Variants in HECW2 observed in about 807,000 individuals in gnomAD.
The protein encoded by HECW2 is E3 ubiquitin-protein ligase HECW2.
HECW2 carries 61 observed loss-of-function variants against 175.2 expected under a neutral mutation model. The ratio of observed to expected loss-of-function variants is 0.35; its 90% CI spans 0.28 to 0.43. HECW2 has a LOEUF of 0.43. Ranked by LOEUF, HECW2 falls within the 20% of genes least tolerant of loss-of-function variation. The pLI is 1.00. For missense variants in HECW2, 1,524 were observed against 2,000.5 expected, an observed-to-expected ratio of 0.76 and a Z score of 4.54; for synonymous variants, 671 against 731.0, an observed-to-expected ratio of 0.92 and a Z score of 1.32.
intron 1 of HECW2, among the ~76,000 whole-genome samples, chr2:196,563,677 A>C (rs1358400): frequency 6.6e-6 from 1 of 152,100 alleles, no homozygotes; most frequent in African/African-American, 2.4e-5. Context: ...GGCACCCACT[A>C]GCTAGATCTG....
At chr2:196,289,750 C>G (rs1208516842) in intron 14 of HECW2, 1 of 152,050 alleles carries the variant, frequency 6.6e-6, no homozygotes, top group Non-Finnish European at 1.5e-5. Context: ...GGCTAAAATT[C>G]CAGGGTTGAC....
At chr2:196,373,818 G>C (rs901933147) in intron 2 of HECW2, among the ~76,000 whole-genome samples, 1 of 152,062 alleles carries the variant, frequency 6.6e-6, no homozygotes, top group Non-Finnish European at 1.5e-5. Flanking sequence ...AGATCACGAG[G>C]TCAGGAGATC....
intron 13 of HECW2, among the ~76,000 whole-genome samples, chr2:196,303,399 T>C (rs1176226665): frequency 1.3e-5 from 2 of 152,232 alleles, no homozygotes; most frequent in African/African-American, 2.4e-5. Flanking sequence ...CAAGTTTTGG[T>C]ATCAAGATGA....
chr2:196,593,051 G>C (rs1382459437), intron 1 of HECW2, among the ~76,000 whole-genome samples: 1 of 151,472 alleles, frequency 6.6e-6, no homozygotes, highest in Non-Finnish European at 1.5e-5. Flanking sequence ...AGCGCGCTCG[G>C]CGCGCCCCTC....
intron 14 of HECW2, among the ~76,000 whole-genome samples, chr2:196,285,302 C>T (rs1186221954): frequency 6.6e-6 from 1 of 152,096 alleles, no homozygotes; most frequent in Non-Finnish European, 1.5e-5. Flanking sequence ...TATTTTGCCA[C>T]TAAGGAATAC....
intron 2 of HECW2, among the ~76,000 whole-genome samples, chr2:196,387,950 T>C (rs556005039): frequency 6.6e-6 from 1 of 152,264 alleles, no homozygotes; most frequent in African/African-American, 2.4e-5. Flanking sequence ...CTCAACTAAA[T>C]TAAACAAGGC....
chr2:196,527,990 G>T (rs1479507484), intron 1 of HECW2, among the ~76,000 whole-genome samples: 1 of 152,072 alleles, frequency 6.6e-6, no homozygotes, highest in East Asian at 1.9e-4. Context: ...TGTTCATAAA[G>T]CCCATAAAAG....
chr2:196,434,018 C>G (rs1695795997), intron 1 of HECW2, among the ~76,000 whole-genome samples: 1 of 152,140 alleles, frequency 6.6e-6, no homozygotes, highest in Non-Finnish European at 1.5e-5. Context: ...ACTGCAGCAC[C>G]CCAGCATTCC....
chr2:196,362,701 G>A (rs147914955), intron 2 of HECW2, among the ~76,000 whole-genome samples: 2 of 152,168 alleles, frequency 1.3e-5, no homozygotes, highest in African/African-American at 4.8e-5. Context: ...AAAACAGATA[G>A]AATCATCAAT....
At chr2:196,239,391 C>T (rs184033201) in intron 21 of HECW2, 2 of 152,228 alleles carry the variant, frequency 1.3e-5, no homozygotes, top group Admixed American at 6.5e-5. Context: ...TCCAAGAGTA[C>T]CAGATGAAAG....
At chr2:196,217,220 T>G (rs1376759591) in intron 26 of HECW2, 127 bp from the exon 27 acceptor site, 1 of 646,726 alleles carries the variant, frequency 1.5e-6, no homozygotes, top group Non-Finnish European at 2.7e-6. Context: ...GTCTATAATT[T>G]TAAGACTAAG....
intron 1 of HECW2, among the ~76,000 whole-genome samples, chr2:196,577,869 AAAC>A (rs1490415925): frequency 2.0e-5 from 3 of 152,298 alleles, no homozygotes; most frequent in African/African-American, 2.4e-5. Flanking sequence ...GTCAATAAAT[AAAC>A]AACAACAACG....
chr2:196,335,820 G>A (rs1692530779), intron 3 of HECW2, among the ~76,000 whole-genome samples: 1 of 152,166 alleles, frequency 6.6e-6, no homozygotes. Context: ...CTACGTACCT[G>A]CCACAGCACA....
intron 1 of HECW2, among the ~76,000 whole-genome samples, chr2:196,554,045 A>T (rs1444387866): frequency 6.6e-6 from 1 of 152,244 alleles, no homozygotes; most frequent in African/African-American, 2.4e-5. Context: ...GCTTCTCTTA[A>T]AAAGATTTTT....
chr2:196,208,499 T>A (rs142276530), intron 28 of HECW2, among the ~76,000 whole-genome samples: 1 of 152,210 alleles, frequency 6.6e-6, no homozygotes. Context: ...AGGAGACAGA[T>A]AATCAACAAG....
intron 19 of HECW2, among the ~76,000 whole-genome samples, chr2:196,246,959 C>T (rs961403561): frequency 6.6e-6 from 1 of 152,094 alleles, no homozygotes; most frequent in Non-Finnish European, 1.5e-5. Flanking sequence ...CACATTATTT[C>T]ATTTTAAAAT....
intron 14 of HECW2, among the ~76,000 whole-genome samples, chr2:196,282,433 G>A (rs1690223084): frequency 6.6e-6 from 1 of 152,162 alleles, no homozygotes; most frequent in Admixed American, 6.5e-5. Context: ...AAGAGATCCT[G>A]AGAATGTCTA....
At chr2:196,378,292 C>A (rs1360973271) in intron 2 of HECW2, among the ~76,000 whole-genome samples, 1 of 152,158 alleles carries the variant, frequency 6.6e-6, no homozygotes, top group Non-Finnish European at 1.5e-5. Flanking sequence ...ATACAATGTG[C>A]TTTTATTTAT....
intron 1 of HECW2, among the ~76,000 whole-genome samples, chr2:196,466,496 G>C (rs745501082): frequency 2.6e-5 from 4 of 152,138 alleles, no homozygotes; most frequent in Non-Finnish European, 5.9e-5. Flanking sequence ...TCAAATTATA[G>C]CTTTCCCAGC....
Sources: allele counts gnomAD v4.1 joint callset (sites outside exome capture counted in the v4.1 genomes callset), GRCh38; gene constraint gnomAD v4.1.1; transcripts MANE v1.5; gene names NCBI Gene and HGNC (gene_info 2026-07-23, HGNC 2026-07-21).